ABCC9: variants seen among roughly 807,000 people sequenced by gnomAD.
The protein encoded by ABCC9 is ATP-binding cassette sub-family C member 9.
In ABCC9, 95 loss-of-function variants were observed where a neutral mutation model predicts 188.3. That is an observed-to-expected ratio of 0.50 (90% CI 0.43 to 0.60). The LOEUF (loss-of-function observed/expected upper bound fraction) is 0.60. Among genes scored for constraint, ABCC9 ranks in the 20% least tolerant of loss-of-function variants. The probability of loss-of-function intolerance (pLI) is 0.00; values close to 1 mark genes in which losing one functional copy is unlikely to be tolerated. For synonymous variants in ABCC9, 659 were observed against 652.7 expected, an observed-to-expected ratio of 1.01 and a Z score of -0.15; for missense variants, 1,102 against 1,876.3, an observed-to-expected ratio of 0.59 and a Z score of 7.62.
intron 4 of ABCC9, among the ~76,000 whole-genome samples, chr12:21,926,354 ATAATT>A (rs1949046087): frequency 6.6e-6 from 1 of 152,232 alleles, no homozygotes; most frequent in African/African-American, 2.4e-5. Context: ...AGCTGCTGAA[ATAATT>A]TAAGAACTAA....
chr12:21,838,887 G>A (rs570880889), intron 29 of ABCC9, among the ~76,000 whole-genome samples: 43 of 152,250 alleles, frequency 2.8e-4, no homozygotes, highest in African/African-American at 8.2e-4. Context: ...TTAGCCAGCC[G>A]TGGTGGTGCA....
At chr12:21,893,517 G>A (rs1232476630) in intron 14 of ABCC9, among the ~76,000 whole-genome samples, 1 of 152,094 alleles carries the variant, frequency 6.6e-6, no homozygotes, top group Non-Finnish European at 1.5e-5. Context: ...CACCACTTCA[G>A]TGGAAAGCAA....
At chr12:21,871,821 C>G (rs935096578) in intron 18 of ABCC9, among the ~76,000 whole-genome samples, 1 of 152,160 alleles carries the variant, frequency 6.6e-6, no homozygotes, top group Admixed American at 6.5e-5. Flanking sequence ...TGCCAAATGT[C>G]CCCGGGGACA....
rs557362637 is a variant in ABCC9, at chr12:21,828,944, T to C, written c.3669+14A>G. 6.2e-7 allele frequency: 1 copy of C among 1,604,916 alleles called. No individual in the cohort carries two copies. Among genetic ancestry groups the C allele is most frequent in the Non-Finnish European group, 8.5e-7 (1 of 1,171,616 alleles). ...CTATTTGGTTTCCATTTCGAAATCATGAAATGAACGTACCGTCCTGACCTC... is the reference window on the plus strand; with the variant it reads ...CTATTTGGTTTCCATTTCGAAATCACGAAATGAACGTACCGTCCTGACCTC... On this transcript the variant is annotated intron_variant, in intron 31 of 39. Transcript: ENST00000261200.
At chr12:21,935,714 A>G (rs1435177643) in intron 3 of ABCC9, among the ~76,000 whole-genome samples, 3 of 152,248 alleles carry the variant, frequency 2.0e-5, no homozygotes, top group South Asian at 4.1e-4. Flanking sequence ...TGGTGTGCAG[A>G]GAGAGGTCCT....
At chr12:21,910,999 G>A in intron 8 of ABCC9, 21 bp from the exon 9 acceptor site, 2 of 1,610,974 alleles carry the variant, frequency 1.2e-6, no homozygotes, top group South Asian at 1.1e-5. Context: ...AAGAAAAAAA[G>A]TGTCATATTA....
At position 21,875,706 on chromosome 12, in the gene ABCC9, T is replaced by G. The variant is rs758381330; in HGVS notation, c.2040A>C (p.Ser680=). Residue 680 remains serine (S), a synonymous_variant, in exon 17 of 40, where the codon TCA becomes TCC. Coordinates refer to ENST00000261200, the MANE Select transcript of ABCC9 (RefSeq NM_020297.4). ...IAIKVTNGYF[S]WGSGLATLSN... Reference sequence around the variant, plus strand: ...ATAATGTAGCTAAACCACTGCCCCATGAAAAGTATCCATTTGTGACCTACA... The same window carrying G: ...ATAATGTAGCTAAACCACTGCCCCAGGAAAAGTATCCATTTGTGACCTACA... 1.2e-6 allele frequency: 2 copies of G among 1,612,000 alleles called. No homozygotes were observed. Among genetic ancestry groups the G allele is most frequent in the South Asian group, 2.2e-5 (2 of 91,024 alleles).
Position 21,797,547 on chromosome 12 carries a change from C to T in ABCC9, c.*3497G>A, listed in dbSNP as rs1941210165. On this transcript the variant is annotated 3_prime_UTR_variant, in exon 40 of 40. Transcript: ENST00000261200. ...CAACATAGAAAAGGAAAGAGAATAA[C>T]CTATAGTTATAGGCACATGGCAGTA... 6.6e-6 allele frequency: 1 copy of T among 151,958 alleles called. No individual in the cohort carries two copies. Among genetic ancestry groups the T allele is most frequent in the South Asian group, 2.1e-4 (1 of 4,824 alleles). The allele number at this position is 151,958 out of a possible 1,614,324, so 9.4% of individuals were successfully genotyped here.
At chr12:21,895,742 T>C (rs993802565) in intron 12 of ABCC9, among the ~76,000 whole-genome samples, 66 of 152,348 alleles carry the variant, frequency 4.3e-4, no homozygotes, top group African/African-American at 1.3e-3. Context: ...CACTTCGAGT[T>C]CTCTTTCCAG....
intron 18 of ABCC9, among the ~76,000 whole-genome samples, chr12:21,871,364 C>T (rs1360168543): frequency 6.6e-6 from 1 of 152,152 alleles, no homozygotes; most frequent in Non-Finnish European, 1.5e-5. Flanking sequence ...TAAACAGTTG[C>T]AAGGCTATCT....
chr12:21,908,811 A>G (rs1948173221), intron 10 of ABCC9, among the ~76,000 whole-genome samples: 2 of 151,928 alleles, frequency 1.3e-5, no homozygotes, highest in African/African-American at 4.8e-5. Context: ...TCCTATCTTA[A>G]TATACTTCTC....
In ABCC9 at chr12:21,892,265, AT is replaced by A. The variant is rs559738987; in HGVS notation, c.1802+1766del. Among the ~76,000 whole-genome samples the A allele has an allele frequency of 8.0e-3, 1,216 of 151,384 alleles. 8 individuals carry two copies. The highest frequency in any genetic ancestry group is 0.033 in the South Asian group (156 of 4,780). On this transcript the variant is annotated intron_variant, in intron 14 of 39. Coordinates refer to ENST00000261200, the MANE Select transcript of ABCC9 (RefSeq NM_020297.4). ...GGAGGGACACCCCTAGATTGTTTTCATTTTTTTTTAATCAAGTCAAAGTCCT... is the reference window on the plus strand; with the variant it reads ...GGAGGGACACCCCTAGATTGTTTTCATTTTTTTTAATCAAGTCAAAGTCCT...
At chr12:21,830,893 A>C (rs371562195) in intron 30 of ABCC9, among the ~76,000 whole-genome samples, 8 of 152,174 alleles carry the variant, frequency 5.3e-5, no homozygotes, top group Admixed American at 5.2e-4. Context: ...TTAGGGATGA[A>C]TATAGAGAAC....
At chr12:21,828,687 C>T (rs994362902) in intron 31 of ABCC9, 1 of 434,976 alleles carries the variant, frequency 2.3e-6, no homozygotes, top group Admixed American at 3.5e-5. Context: ...TGAAGTTATA[C>T]AAATATTTGC....
At chr12:21,852,601 A>G (rs1481569454) in intron 22 of ABCC9, 96 bp from the exon 23 acceptor site, 1 of 1,375,786 alleles carries the variant, frequency 7.3e-7, no homozygotes. Flanking sequence ...ACTAAGGGCA[A>G]ATCATCCCCC....
intron 11 of ABCC9, among the ~76,000 whole-genome samples, 178 bp from the exon 12 acceptor site, chr12:21,906,466 G>C (rs902095443): frequency 2.6e-5 from 4 of 152,064 alleles, no homozygotes; most frequent in Non-Finnish European, 5.9e-5. Flanking sequence ...ATGAAATAAA[G>C]AGTTTAATGA....
In ABCC9 at chr12:21,834,224, A is replaced by G. The variant is rs548015974; in HGVS notation, c.3566+3854T>C. 2.8e-4 allele frequency among the ~76,000 whole-genome samples: 42 copies of G among 152,332 alleles called. No homozygotes were observed. The South Asian group carries it at 8.1e-3, about 29-fold the overall frequency. On this transcript the variant is annotated intron_variant, in intron 30 of 39. Transcript: ENST00000261200. ...TAAAATGCTCACTTGATTAACTCCAATGATGCCACTATCCTGATTTTTTGC... is the reference window on the plus strand; with the variant it reads ...TAAAATGCTCACTTGATTAACTCCAGTGATGCCACTATCCTGATTTTTTGC...
chr12:21,938,827 G>C (rs974153169), intron 2 of ABCC9, among the ~76,000 whole-genome samples: 1 of 152,044 alleles, frequency 6.6e-6, no homozygotes, highest in Non-Finnish European at 1.5e-5. Flanking sequence ...AATCGCCTTT[G>C]GATAAATGTT....
At chr12:21,856,109 G>T (rs1945213249) in intron 22 of ABCC9, among the ~76,000 whole-genome samples, 1 of 152,130 alleles carries the variant, frequency 6.6e-6, no homozygotes, top group Admixed American at 6.6e-5. Flanking sequence ...ATCATGCCTA[G>T]GTCACAGAAC....
Sources: gnomAD v4.1 joint callset for allele counts (sites outside exome capture counted in the v4.1 genomes callset) on GRCh38, gnomAD v4.1.1 for gene constraint, MANE v1.5 for transcripts, NCBI Gene and HGNC (gene_info 2026-07-23, HGNC 2026-07-21) for gene names.